Variants in IMMP2L observed in about 807,000 individuals in gnomAD.
IMMP2L encodes the protein mitochondrial inner membrane protease subunit 2.
Under a neutral mutation model 19.3 loss-of-function variants are expected in IMMP2L, and 18 were observed. The ratio of observed to expected loss-of-function variants is 0.93; its 90% CI spans 0.64 to 1.38. IMMP2L has a LOEUF of 1.38. IMMP2L is among the 40% of genes most tolerant of loss of function. IMMP2L has a pLI of 0.00. For synonymous variants in IMMP2L, 76 were observed against 73.0 expected (o/e 1.04, Z -0.21); for missense variants, 233 against 218.2 (o/e 1.07, Z -0.43).
At chr7:110,986,351 A>G (rs1821853098) in intron 3 of IMMP2L, among the ~76,000 whole-genome samples, 1 of 152,172 alleles carries the variant, frequency 6.6e-6, no homozygotes, top group Non-Finnish European at 1.5e-5. Flanking sequence ...TCGTGGTTAG[A>G]AACCAATTTG....
intron 3 of IMMP2L, among the ~76,000 whole-genome samples, chr7:111,266,819 G>T (rs1272206863): frequency 6.6e-6 from 1 of 152,144 alleles, no homozygotes; most frequent in African/African-American, 2.4e-5. Flanking sequence ...TAGCCAGAAA[G>T]AACTTATGAT....
rs1283357275 is a variant in IMMP2L, at chr7:111,121,533, C to T, written c.240-157968G>A. Among the ~76,000 whole-genome samples, 3 of 152,124 alleles carry T rather than the reference C, an allele frequency of 2.0e-5. No homozygotes were observed. The East Asian group carries it at 5.8e-4, about 29-fold the overall frequency. ...TGCAAATCAAAACCACAATGAGATA[C>T]CATCTCACACCAGTTAGAATGGCAA... On this transcript the variant is annotated intron_variant, in intron 3 of 5. Coordinates refer to ENST00000405709, the MANE Select transcript of IMMP2L (RefSeq NM_032549.4).
At position 110,924,277 on chromosome 7, in the gene IMMP2L, G is replaced by A. The variant is rs1296380238; in HGVS notation, c.306-37582C>T. 6.6e-6 allele frequency among the ~76,000 whole-genome samples: 1 copy of A among 152,106 alleles called. No homozygotes were observed. The highest frequency in any genetic ancestry group is 1.5e-5 in the Non-Finnish European group (1 of 68,020). On this transcript the variant is annotated intron_variant, in intron 4 of 5. Coordinates refer to ENST00000405709, the MANE Select transcript of IMMP2L (RefSeq NM_032549.4). This position sits in a 1 kb window ranked among gnomAD's most constrained non-coding sequence, Gnocchi z 4.2. ...ACAGCAAAATTGAGAAGAGGCTTCTGGTGAAAACGTTTGTAGTTCTGCAGG... is the reference window on the plus strand; with the variant it reads ...ACAGCAAAATTGAGAAGAGGCTTCTAGTGAAAACGTTTGTAGTTCTGCAGG...
intron 4 of IMMP2L, among the ~76,000 whole-genome samples, chr7:110,931,477 A>G (rs1275875161): frequency 6.6e-6 from 1 of 152,162 alleles, no homozygotes; most frequent in African/African-American, 2.4e-5. Context: ...GTTCAGATTG[A>G]AATCCAAAGA....
intron 3 of IMMP2L, among the ~76,000 whole-genome samples, chr7:111,008,067 G>A (rs1428689296): frequency 6.6e-6 from 1 of 152,004 alleles, no homozygotes; most frequent in Non-Finnish European, 1.5e-5. Flanking sequence ...CTACTGGTCT[G>A]AGCTATAACC....
At position 111,531,774 on chromosome 7, in the gene IMMP2L, C is replaced by T. The variant is rs1847417766; in HGVS notation, c.-2-10325G>A. On this transcript the variant is annotated intron_variant, in intron 1 of 5. Coordinates refer to ENST00000405709, the MANE Select transcript of IMMP2L (RefSeq NM_032549.4). ...GACTTAAATATGTATATAAATGAAA[C>T]AGACCAGCTACTTATCCATAACCCA... Among the ~76,000 whole-genome samples the T allele has an allele frequency of 6.6e-5, 10 of 152,170 alleles. No homozygotes were observed. In the South Asian group the frequency reaches 2.1e-3, roughly 32 times the overall value.
rs573144742 is a variant in IMMP2L, at chr7:111,147,991, T to C, written c.240-184426A>G. ...AATACAGTTACCATATGACCCAGCATTTCAACTCCTAGGTATACACCCCAA... is the reference window on the plus strand; with the variant it reads ...AATACAGTTACCATATGACCCAGCACTTCAACTCCTAGGTATACACCCCAA... On this transcript the variant is annotated intron_variant, in intron 3 of 5. Transcript: ENST00000405709. 5.9e-5 allele frequency among the ~76,000 whole-genome samples: 9 copies of C among 152,160 alleles called. No individual in the cohort carries two copies. The East Asian group carries it at 1.5e-3, about 26-fold the overall frequency.
intron 5 of IMMP2L, among the ~76,000 whole-genome samples, chr7:110,772,746 C>T (rs181277183): frequency 1.3e-5 from 2 of 152,102 alleles, no homozygotes; most frequent in South Asian, 4.1e-4. Context: ...TTGACTCCCC[C>T]ACTCAAGTCA....
At chr7:110,764,462 G>C (rs377109973) in intron 5 of IMMP2L, among the ~76,000 whole-genome samples, 1 of 152,068 alleles carries the variant, frequency 6.6e-6, no homozygotes, top group Non-Finnish European at 1.5e-5. Flanking sequence ...AAAGTGAATA[G>C]ATGAAAGAAT....
intron 3 of IMMP2L, among the ~76,000 whole-genome samples, chr7:111,450,750 A>T (rs1166794361): frequency 6.6e-6 from 1 of 151,366 alleles, no homozygotes; most frequent in Non-Finnish European, 1.5e-5. Flanking sequence ...AGCAAAAGAA[A>T]CTACCATCAG....
At chr7:111,357,805 A>C (rs1447579385) in intron 3 of IMMP2L, among the ~76,000 whole-genome samples, 1 of 152,054 alleles carries the variant, frequency 6.6e-6, no homozygotes, top group Non-Finnish European at 1.5e-5. Context: ...ATATATACTT[A>C]TCCATTTCTA....
intron 5 of IMMP2L, among the ~76,000 whole-genome samples, chr7:110,829,474 T>C (rs1240433366): frequency 3.9e-5 from 6 of 152,164 alleles, no homozygotes; most frequent in Non-Finnish European, 7.4e-5. Flanking sequence ...ATATAGCTCA[T>C]AAAATGTCTG....
chr7:111,445,515 G>A (rs1838258948), intron 3 of IMMP2L, among the ~76,000 whole-genome samples: 1 of 152,102 alleles, frequency 6.6e-6, no homozygotes, highest in South Asian at 2.1e-4. Context: ...GTATAAATGT[G>A]AAGACTGAGA....
intron 5 of IMMP2L, among the ~76,000 whole-genome samples, chr7:110,770,790 G>A (rs1354157784): frequency 6.6e-6 from 1 of 152,122 alleles, no homozygotes; most frequent in Non-Finnish European, 1.5e-5. Context: ...TAGCGCTCCT[G>A]GGACGTCTGA....
intron 5 of IMMP2L, among the ~76,000 whole-genome samples, chr7:110,731,465 G>C (rs1189667283): frequency 6.6e-6 from 1 of 152,066 alleles, no homozygotes; most frequent in Non-Finnish European, 1.5e-5. Context: ...AATAGTGGAG[G>C]ATAGTGCCCT....
intron 3 of IMMP2L, among the ~76,000 whole-genome samples, chr7:111,308,019 A>C (rs868488944): frequency 6.6e-6 from 1 of 151,982 alleles, no homozygotes; most frequent in African/African-American, 2.4e-5. Flanking sequence ...TCACAAACTA[A>C]AACAATTATA....
At chr7:111,002,230 C>T (rs1193271771) in intron 3 of IMMP2L, among the ~76,000 whole-genome samples, 1 of 151,894 alleles carries the variant, frequency 6.6e-6, no homozygotes, top group Non-Finnish European at 1.5e-5. Context: ...TAAAAATTAC[C>T]CTAAGGTAAT....
intron 3 of IMMP2L, among the ~76,000 whole-genome samples, chr7:111,100,680 G>T (rs999109393): frequency 6.6e-6 from 1 of 151,142 alleles, no homozygotes; most frequent in South Asian, 2.1e-4. Context: ...AAAAATTTAG[G>T]CTCTGGCTGA....
At chr7:111,342,409 T>C (rs1827108355) in intron 3 of IMMP2L, among the ~76,000 whole-genome samples, 1 of 152,128 alleles carries the variant, frequency 6.6e-6, no homozygotes, top group Non-Finnish European at 1.5e-5. Flanking sequence ...CTGGTCAACA[T>C]GGTGAAACCC....
Sources: gnomAD v4.1 joint callset for allele counts (sites outside exome capture counted in the v4.1 genomes callset) on GRCh38, gnomAD v4.1.1 for gene constraint, Gnocchi (gnomAD v3.1) non-coding constraint, MANE v1.5 for transcripts, NCBI Gene and HGNC (gene_info 2026-07-23, HGNC 2026-07-21) for gene names.